SNTB1: variants seen among roughly 807,000 people sequenced by gnomAD.
SNTB1 encodes beta-1-syntrophin.
A neutral mutation model predicts 48.9 loss-of-function variants in SNTB1; 36 were observed. The ratio of observed to expected loss-of-function variants is 0.74; its 90% CI spans 0.56 to 0.97. The LOEUF is 0.97. Ranked by LOEUF, SNTB1 falls within the 50% of genes least tolerant of loss-of-function variation. SNTB1 has a pLI of 0.00. For missense variants in SNTB1, 786 were observed against 703.4 expected (o/e 1.12, Z -1.33); for synonymous variants, 299 against 294.6 (o/e 1.01, Z -0.15).
chr8:120,658,477 A>G (rs1485382954), intron 2 of SNTB1, among the ~76,000 whole-genome samples: 1 of 152,226 alleles, frequency 6.6e-6, no homozygotes, highest in East Asian at 1.9e-4. Context: ...CCACCACAAT[A>G]AAGTAAATAT....
intron 2 of SNTB1, among the ~76,000 whole-genome samples, chr8:120,634,383 T>C (rs1023065343): frequency 6.6e-6 from 1 of 152,164 alleles, no homozygotes; most frequent in Non-Finnish European, 1.5e-5. Context: ...AATAGCCCTA[T>C]GACTGATATT....
intron 2 of SNTB1, 74 bp from the exon 3 acceptor site, chr8:120,632,725 G>T: frequency 7.9e-7 from 1 of 1,269,938 alleles, no homozygotes. Context: ...GGTCACAAAG[G>T]TGAATTAATT....
chr8:120,555,880 G>C (rs1259519729), intron 4 of SNTB1, among the ~76,000 whole-genome samples: 1 of 152,124 alleles, frequency 6.6e-6, no homozygotes, highest in Non-Finnish European at 1.5e-5. Context: ...GACCACGTGA[G>C]GACACAGAAA....
At chr8:120,795,814 G>A (rs914100852) in intron 1 of SNTB1, among the ~76,000 whole-genome samples, 6 of 152,016 alleles carry the variant, frequency 3.9e-5, no homozygotes, top group African/African-American at 1.4e-4. Context: ...GGCAATCCTT[G>A]GTGTTCCTTG....
At chr8:120,793,406 T>G (rs1820070503) in intron 1 of SNTB1, among the ~76,000 whole-genome samples, 1 of 152,094 alleles carries the variant, frequency 6.6e-6, no homozygotes, top group African/African-American at 2.4e-5. Context: ...GATAACCTCC[T>G]GGTGGATTTT....
At chr8:120,559,507 G>C (rs1815618344) in intron 4 of SNTB1, among the ~76,000 whole-genome samples, 1 of 152,130 alleles carries the variant, frequency 6.6e-6, no homozygotes, top group African/African-American at 2.4e-5. Flanking sequence ...TGCATGATAG[G>C]ACCACTTGTG....
intron 3 of SNTB1, among the ~76,000 whole-genome samples, chr8:120,596,960 C>A (rs761361483): frequency 1.3e-4 from 20 of 152,194 alleles, no homozygotes; most frequent in Non-Finnish European, 2.6e-4. Context: ...GGTCCCCCCA[C>A]AAATGATGTT....
intron 1 of SNTB1, among the ~76,000 whole-genome samples, chr8:120,783,678 T>A (rs1394703768): frequency 6.6e-6 from 1 of 152,176 alleles, no homozygotes; most frequent in African/African-American, 2.4e-5. Flanking sequence ...TCTGTCCAAC[T>A]TCAAGGGCAA....
rs996469601 is a variant in SNTB1, at chr8:120,621,689, C to T, written c.996+10755G>A. On this transcript the variant is annotated intron_variant, in intron 3 of 6. Coordinates refer to ENST00000517992, the MANE Select transcript of SNTB1 (RefSeq NM_021021.4). The stretch of plus-strand genomic sequence containing the variant: ...GCTTTTCAGAACAGAAGGAATGTGT[C>T]AATTCTACACAGGGCAAGAGAGAGC... 1.2e-4 allele frequency among the ~76,000 whole-genome samples: 19 copies of T among 152,146 alleles called. 1 individual carries two copies. The highest frequency in any genetic ancestry group is 1.5e-5 in the Non-Finnish European group (1 of 68,032).
chr8:120,568,791 C>G (rs1449863988), intron 4 of SNTB1, among the ~76,000 whole-genome samples: 1 of 152,220 alleles, frequency 6.6e-6, no homozygotes, highest in African/African-American at 2.4e-5. Flanking sequence ...GCAATCCTTA[C>G]AGGCCTAATT....
chr8:120,539,366 G>A (rs970690600), intron 6 of SNTB1, among the ~76,000 whole-genome samples: 1 of 152,104 alleles, frequency 6.6e-6, no homozygotes, highest in South Asian at 2.1e-4. Context: ...CTTTTTAGAC[G>A]TACCATCTTG....
chr8:120,594,920 G>A (rs1816298667), intron 3 of SNTB1, among the ~76,000 whole-genome samples: 1 of 151,932 alleles, frequency 6.6e-6, no homozygotes, highest in African/African-American at 2.4e-5. Flanking sequence ...CAATGCAAAT[G>A]TACTTAATTG....
At chr8:120,808,523 A>G (rs575174166) in intron 1 of SNTB1, among the ~76,000 whole-genome samples, 1 of 152,364 alleles carries the variant, frequency 6.6e-6, no homozygotes, top group African/African-American at 2.4e-5. Context: ...GGATAGTTTC[A>G]TGTTCATTTC....
chr8:120,741,502 G>A (rs139608103), intron 1 of SNTB1, among the ~76,000 whole-genome samples: 16 of 152,284 alleles, frequency 1.1e-4, no homozygotes, highest in African/African-American at 2.9e-4. Context: ...CCAGCTACTC[G>A]GGTGGTTGAA....
chr8:120,552,434 C>G (rs1815495701), intron 4 of SNTB1, among the ~76,000 whole-genome samples: 1 of 152,208 alleles, frequency 6.6e-6, no homozygotes, highest in Non-Finnish European at 1.5e-5. Flanking sequence ...TCTCAGCTCA[C>G]TGCAACCTCC....
chr8:120,543,116 C>G (rs1237552196), intron 5 of SNTB1, among the ~76,000 whole-genome samples: 1 of 152,152 alleles, frequency 6.6e-6, no homozygotes, highest in African/African-American at 2.4e-5. Context: ...GGAAAAGAGT[C>G]CTGCTCTTTA....
intron 1 of SNTB1, among the ~76,000 whole-genome samples, chr8:120,717,656 T>C (rs1818583761): frequency 6.6e-6 from 1 of 152,152 alleles, no homozygotes; most frequent in Non-Finnish European, 1.5e-5. Flanking sequence ...TATTGACAGC[T>C]TCACCCCTCT....
intron 1 of SNTB1, among the ~76,000 whole-genome samples, chr8:120,753,178 C>T (rs1430015748): frequency 2.0e-5 from 3 of 152,010 alleles, no homozygotes; most frequent in Non-Finnish European, 4.4e-5. Flanking sequence ...TGAGGCACCA[C>T]ATTAAACTAC....
At chr8:120,719,451 T>C (rs963374236) in intron 1 of SNTB1, among the ~76,000 whole-genome samples, 3 of 152,172 alleles carry the variant, frequency 2.0e-5, no homozygotes, top group African/African-American at 7.2e-5. Context: ...GTTAATACTA[T>C]TGAATAAACT....
Sources: gnomAD v4.1 joint callset for allele counts (sites outside exome capture counted in the v4.1 genomes callset) on GRCh38, gnomAD v4.1.1 for gene constraint, MANE v1.5 for transcripts, NCBI Gene and HGNC (gene_info 2026-07-23, HGNC 2026-07-21) for gene names.